The following TTC3 variants were observed in gnomAD, a reference collection of about 807,000 sequenced individuals.
TTC3 encodes the protein tetratricopeptide repeat domain 3.
Under a neutral mutation model 249.6 loss-of-function variants are expected in TTC3, and 180 were observed. The ratio of observed to expected loss-of-function variants is 0.72; its 90% CI spans 0.64 to 0.82. TTC3 has a LOEUF of 0.82. Ranked by LOEUF, TTC3 falls within the 40% of genes least tolerant of loss-of-function variation. The pLI is 0.00. For missense variants in TTC3, 2,061 were observed against 2,398.4 expected, an observed-to-expected ratio of 0.86 and a Z score of 2.94; for synonymous variants, 717 against 805.0, an observed-to-expected ratio of 0.89 and a Z score of 1.85.
chr21:37,110,868 T>C (rs1363256003), intron 11 of TTC3, among the ~76,000 whole-genome samples: 1 of 152,160 alleles, frequency 6.6e-6, no homozygotes, highest in Non-Finnish European at 1.5e-5. Flanking sequence ...CGGCAGAAAC[T>C]CTACAAGCCA....
At position 37,200,329 on chromosome 21, in the gene TTC3, G is replaced by T; in HGVS notation, c.5943+5G>T. 4.3e-6 allele frequency: 7 copies of T among 1,613,872 alleles called. No individual in the cohort carries two copies. The highest frequency in any genetic ancestry group is 5.1e-6 in the Non-Finnish European group (6 of 1,179,904). On this transcript the variant is annotated splice_donor_5th_base_variant and intron_variant, in intron 45 of 45. Coordinates refer to ENST00000355666, the Ensembl canonical transcript of TTC3. ...GGGCACAAGTATCACAAAGGGGTAAGAGCTCTTTTTGGCCATCCTTACAGC... is the reference window on the plus strand; with the variant it reads ...GGGCACAAGTATCACAAAGGGGTAATAGCTCTTTTTGGCCATCCTTACAGC...
At chr21:37,188,441 T>G in intron 38 of TTC3, 54 bp from the exon 39 acceptor site, 1 of 1,396,222 alleles carries the variant, frequency 7.2e-7, no homozygotes, top group Non-Finnish European at 1.0e-6. Context: ...ACCTTTAAAA[T>G]AGTTTCAGGC....
At chr21:37,133,986 T>C (rs1173020534) in intron 17 of TTC3, among the ~76,000 whole-genome samples, 1 of 152,214 alleles carries the variant, frequency 6.6e-6, no homozygotes, top group Non-Finnish European at 1.5e-5. Flanking sequence ...TGAATGAGTT[T>C]ATGCAAGGCT....
chr21:37,168,576 G>A (rs1601942501), intron 34 of TTC3, among the ~76,000 whole-genome samples: 2 of 152,206 alleles, frequency 1.3e-5, no homozygotes, highest in East Asian at 3.9e-4. Context: ...AGCCTTAAAT[G>A]AAAAGATATT....
rs914083044 is a variant in TTC3, at chr21:37,083,362, G to T, written c.-11-3885G>T. 6 of 985,318 alleles carry T rather than the reference G, an allele frequency of 6.1e-6. No homozygotes were observed. In the African/African-American group the frequency reaches 8.7e-5, roughly 14 times the overall value. The allele number at this position is 985,318 out of a possible 1,614,324, so 61.0% of individuals were successfully genotyped here. ...ATTCTCAAGCTGAAGGGAAGCTGTT[G>T]CATGGTTTTAAGCAGTAAAGTGATA... On this transcript the variant is annotated intron_variant, in intron 1 of 45. Coordinates refer to ENST00000355666, the Ensembl canonical transcript of TTC3.
chr21:37,124,129 T>TTTTC (rs2076859635), intron 13 of TTC3, among the ~76,000 whole-genome samples: 2 of 130,856 alleles, frequency 1.5e-5, no homozygotes, highest in South Asian at 5.2e-4. Context: ...TTTTTTTTTT[T>TTTTC]TTTTTTGAGA....
chr21:37,092,893 CTTAA>C (rs2147701323), intron 7 of TTC3, among the ~76,000 whole-genome samples: 1 of 152,150 alleles, frequency 6.6e-6, no homozygotes, highest in Admixed American at 6.5e-5. Flanking sequence ...CTTACTGCAT[CTTAA>C]TTAGTTTATT....
intron 37 of TTC3, among the ~76,000 whole-genome samples, chr21:37,186,288 AC>A (rs2083264710): frequency 6.6e-6 from 1 of 152,098 alleles, no homozygotes; most frequent in Non-Finnish European, 1.5e-5. Context: ...TGCTTTTCTC[AC>A]TATTGTTTCT....
At chr21:37,096,944 G>A (rs7277583) in intron 10 of TTC3, 8,865 of 232,340 alleles carry the variant, frequency 0.038, 506 homozygotes, top group East Asian at 0.23. Context: ...CATGACCAAA[G>A]TGTACCACTA....
chr21:37,099,895 G>C (rs373077896), intron 10 of TTC3, among the ~76,000 whole-genome samples: 2 of 152,180 alleles, frequency 1.3e-5, no homozygotes, highest in African/African-American at 4.8e-5. Context: ...GCCATCAATA[G>C]GGGAATGGAT....
intron 27 of TTC3, 43 bp from the exon 28 acceptor site, chr21:37,156,612 T>C (rs1332868356): frequency 6.4e-7 from 1 of 1,567,630 alleles, no homozygotes; most frequent in Non-Finnish European, 8.6e-7. Flanking sequence ...TTACAGTAAA[T>C]AATTTCCCTC....
chr21:37,104,692 G>C (rs2074904706), intron 10 of TTC3, among the ~76,000 whole-genome samples: 1 of 152,110 alleles, frequency 6.6e-6, no homozygotes, highest in African/African-American at 2.4e-5. Flanking sequence ...AGGAGGGTTT[G>C]GATGGGAAAC....
chr21:37,173,486 C>G (rs1485264679), intron 35 of TTC3, among the ~76,000 whole-genome samples: 2 of 151,980 alleles, frequency 1.3e-5, no homozygotes, highest in Non-Finnish European at 2.9e-5. Context: ...AGTGGCAAAG[C>G]CAGATTGAAT....
At chr21:37,167,310 CATT>C (rs1213797669) in intron 33 of TTC3, among the ~76,000 whole-genome samples, 1 of 152,050 alleles carries the variant, frequency 6.6e-6, no homozygotes, top group Non-Finnish European at 1.5e-5. Context: ...TTGCCCCACT[CATT>C]ATGTTTTCTA....
chr21:37,097,867 G>A, intron 10 of TTC3: 1 of 672,598 alleles, frequency 1.5e-6, no homozygotes, highest in Non-Finnish European at 2.7e-6. Context: ...CTCTAAGCAT[G>A]TAGCTTTAAA....
chr21:37,124,184 T>G (rs984486121), intron 13 of TTC3, among the ~76,000 whole-genome samples: 4 of 135,668 alleles, frequency 2.9e-5, no homozygotes, highest in Non-Finnish European at 4.6e-5. Context: ...GGCACGATCT[T>G]GGGTCACTGA....
In TTC3 at chr21:37,110,236, G is replaced by A. The variant is rs192055971; in HGVS notation, c.900+1790G>A. On this transcript the variant is annotated intron_variant, in intron 11 of 45. Transcript: ENST00000355666. ...TGACTTTGACGAGTTGAGAGAGGAA[G>A]GCTTCAGAAGATCAAACTACTCCGA... Among the ~76,000 whole-genome samples the A allele has an allele frequency of 2.0e-5, 3 of 152,324 alleles. No individual in the cohort carries two copies. The East Asian group carries it at 5.8e-4, about 29-fold the overall frequency.
chr21:37,174,708 A>G (rs1569144270), intron 35 of TTC3, among the ~76,000 whole-genome samples: 1 of 152,200 alleles, frequency 6.6e-6, no homozygotes, highest in African/African-American at 2.4e-5. Context: ...CCCACTGCCC[A>G]TACCACACCC....
chr21:37,135,138 A>G (rs1240692812), intron 17 of TTC3, among the ~76,000 whole-genome samples: 1 of 152,230 alleles, frequency 6.6e-6, no homozygotes, highest in African/African-American at 2.4e-5. Flanking sequence ...GTAGTGTAAA[A>G]TGAGCCACCT....
Sources: allele counts gnomAD v4.1 joint callset (sites outside exome capture counted in the v4.1 genomes callset), GRCh38; gene constraint gnomAD v4.1.1; transcripts MANE v1.5; gene names NCBI Gene and HGNC (gene_info 2026-07-23, HGNC 2026-07-21).